Variants in HDAC9 observed in about 807,000 individuals in gnomAD.
HDAC9 encodes the protein MEF-2 interacting transcription repressor (MITR) protein.
A neutral mutation model predicts 139.4 loss-of-function variants in HDAC9; 41 were observed. The ratio of observed to expected loss-of-function variants is 0.29; its 90% CI spans 0.23 to 0.38. HDAC9 has a LOEUF of 0.38. Ranked by LOEUF, HDAC9 falls within the 10% of genes least tolerant of loss-of-function variation. The pLI is 1.00. For missense variants in HDAC9, 1,147 were observed against 1,297.0 expected (o/e 0.88, Z 1.78); for synonymous variants, 517 against 476.2 (o/e 1.09, Z -1.12).
intron 9 of HDAC9, among the ~76,000 whole-genome samples, chr7:18,645,880 T>C (rs1471129626): frequency 1.3e-5 from 2 of 152,112 alleles, no homozygotes; most frequent in African/African-American, 2.4e-5. Context: ...CTAAGAGATA[T>C]TATATCTGGT....
intron 7 of HDAC9, among the ~76,000 whole-genome samples, chr7:18,631,995 T>G (rs1162040170): frequency 2.6e-5 from 4 of 151,676 alleles, no homozygotes; most frequent in African/African-American, 9.7e-5. Context: ...CATAAAATAA[T>G]ATAAATATTA....
intron 1 of HDAC9, among the ~76,000 whole-genome samples, chr7:18,342,685 G>A (rs1202756063): frequency 1.3e-5 from 2 of 151,694 alleles, no homozygotes; most frequent in African/African-American, 4.8e-5. Flanking sequence ...TGATGTAATG[G>A]TATAAATCAC....
intron 1 of HDAC9, among the ~76,000 whole-genome samples, chr7:18,301,610 A>G (rs1312996219): frequency 6.6e-6 from 1 of 152,172 alleles, no homozygotes; most frequent in Admixed American, 6.5e-5. Flanking sequence ...CTGCATTTGA[A>G]TGTATGAATT....
chr7:18,773,365 A>G (rs1365950454), intron 16 of HDAC9, among the ~76,000 whole-genome samples: 2 of 4,420 alleles, frequency 4.5e-4, no homozygotes, highest in Non-Finnish European at 7.9e-4. Flanking sequence ...AAAACTGTAT[A>G]CACACACACA....
At chr7:18,130,541 A>G (rs1182612030) in intron 1 of HDAC9, among the ~76,000 whole-genome samples, 4 of 152,084 alleles carry the variant, frequency 2.6e-5, no homozygotes, top group African/African-American at 4.8e-5. Flanking sequence ...ATACAGTTCA[A>G]CCATTTAAAG....
chr7:18,460,606 G>A (rs1793752652), intron 1 of HDAC9, among the ~76,000 whole-genome samples: 1 of 151,848 alleles, frequency 6.6e-6, no homozygotes, highest in African/African-American at 2.4e-5. Context: ...CCAATATGGA[G>A]TAACCCCATC....
chr7:18,236,720 G>A lies in HDAC9; in HGVS notation c.25+74371G>A, dbSNP rs908843781. 2.6e-5 allele frequency among the ~76,000 whole-genome samples: 4 copies of A among 152,070 alleles called. No individual in the cohort carries two copies. The East Asian group carries it at 7.7e-4, about 29-fold the overall frequency. On this transcript the variant is annotated intron_variant, in intron 2 of 12. Transcript: ENST00000417496. ...CAGGAGGTAGTTCATACACTTGGCC[G>A]AATTAAGACTCATGATGTACGGCTG...
At chr7:18,767,177 G>A in intron 16 of HDAC9, 22 bp downstream of exon 16, 3 of 1,442,430 alleles carry the variant, frequency 2.1e-6, no homozygotes, top group Non-Finnish European at 2.8e-6. Flanking sequence ...TTGGTTTACT[G>A]CCTTTAAATA....
In HDAC9 at chr7:18,099,008, T is replaced by C. The variant is rs372757940; in HGVS notation, c.-97+11795T>C. On this transcript the variant is annotated intron_variant, in intron 1 of 12. Transcript: ENST00000417496. ...ATACATTATGTTCATTCTTGACAGG[T>C]TGGGGAAATGAGGAAGGGAACTTTC... Among the ~76,000 whole-genome samples the C allele has an allele frequency of 5.9e-5, 9 of 152,250 alleles. No homozygotes were observed. The South Asian group carries it at 1.9e-3, about 32-fold the overall frequency.
chr7:18,292,064 A>C (rs1180991627), intron 1 of HDAC9, among the ~76,000 whole-genome samples: 1 of 152,148 alleles, frequency 6.6e-6, no homozygotes, highest in Non-Finnish European at 1.5e-5. Context: ...TGAAATTCTG[A>C]GGATGGCAAC....
At chr7:18,500,272 G>A (rs1586352634) in intron 2 of HDAC9, among the ~76,000 whole-genome samples, 1 of 152,068 alleles carries the variant, frequency 6.6e-6, no homozygotes, top group East Asian at 1.9e-4. Context: ...TTTTAATTTT[G>A]GAGATGAGCA....
chr7:18,170,826 C>A (rs1562703247), intron 2 of HDAC9, among the ~76,000 whole-genome samples: 1 of 152,114 alleles, frequency 6.6e-6, no homozygotes, highest in East Asian at 1.9e-4. Context: ...GGTACCAGAA[C>A]CATGCTGTTT....
At chr7:18,248,382 A>G (rs1425798155) in intron 2 of HDAC9, among the ~76,000 whole-genome samples, 1 of 152,162 alleles carries the variant, frequency 6.6e-6, no homozygotes. Flanking sequence ...TGTTTTAGCT[A>G]GTTTTATGCT....
chr7:18,962,046 A>G (rs1463251306), intron 24 of HDAC9, among the ~76,000 whole-genome samples: 3 of 152,240 alleles, frequency 2.0e-5, no homozygotes, highest in Non-Finnish European at 1.5e-5. Flanking sequence ...CTGGAAGCTC[A>G]GTGCCAAAGT....
chr7:18,532,061 C>T lies in HDAC9; in HGVS notation c.22+35737C>T, dbSNP rs547620966. Among the ~76,000 whole-genome samples, 464 of 152,116 alleles carry T rather than the reference C, an allele frequency of 3.1e-3. 1 individual carries two copies. The highest frequency in any genetic ancestry group is 4.9e-3 in the Non-Finnish European group (334 of 67,986). On this transcript the variant is annotated intron_variant, in intron 2 of 25. Coordinates refer to ENST00000686413, the MANE Select transcript of HDAC9 (RefSeq NM_178425.4). Reference sequence around the variant, plus strand: ...GTCAGGAGTTTGAGACCAGACTGGCCAACATGGTGAAACCCTGTCTCTACT... The same window carrying T: ...GTCAGGAGTTTGAGACCAGACTGGCTAACATGGTGAAACCCTGTCTCTACT...
At chr7:18,696,992 C>A (rs911673724) in intron 12 of HDAC9, among the ~76,000 whole-genome samples, 3 of 152,122 alleles carry the variant, frequency 2.0e-5, no homozygotes, top group Admixed American at 6.5e-5. Flanking sequence ...TAAGCACAAA[C>A]AACTTATTAC....
intron 24 of HDAC9, among the ~76,000 whole-genome samples, chr7:18,969,938 A>T (rs1046152688): frequency 6.6e-6 from 1 of 152,182 alleles, no homozygotes; most frequent in Non-Finnish European, 1.5e-5. Flanking sequence ...TAAAATAGTT[A>T]CTCATTTCAG....
chr7:18,232,516 G>A (rs1793531293), intron 2 of HDAC9, among the ~76,000 whole-genome samples: 1 of 152,114 alleles, frequency 6.6e-6, no homozygotes, highest in East Asian at 1.9e-4. Flanking sequence ...GTTTCACAGA[G>A]CGCCTCAAAA....
intron 2 of HDAC9, among the ~76,000 whole-genome samples, chr7:18,167,699 T>A (rs955288533): frequency 5.9e-5 from 9 of 152,002 alleles, no homozygotes; most frequent in Non-Finnish European, 1.0e-4. Flanking sequence ...GTGTGAGAGG[T>A]TTCCAAAGGT....
Sources: allele counts gnomAD v4.1 joint callset (sites outside exome capture counted in the v4.1 genomes callset), GRCh38; gene constraint gnomAD v4.1.1; transcripts MANE v1.5; gene names NCBI Gene and HGNC (gene_info 2026-07-23, HGNC 2026-07-21).